Variants in PCDH15 observed in about 807,000 individuals in gnomAD.
PCDH15 encodes protocadherin related 15.
Under a neutral mutation model 178.5 loss-of-function variants are expected in PCDH15, and 129 were observed. The ratio of observed to expected loss-of-function variants is 0.72; its 90% CI spans 0.63 to 0.84. The LOEUF (loss-of-function observed/expected upper bound fraction) is 0.84. Ranked by LOEUF, PCDH15 falls within the 40% of genes least tolerant of loss-of-function variation. The pLI is 0.00. For missense variants in PCDH15, 2,230 were observed against 2,099.9 expected (o/e 1.06, Z -1.21); for synonymous variants, 800 against 732.0 (o/e 1.09, Z -1.50).
At chr10:54,524,234 A>T (rs531613490) in intron 3 of PCDH15, among the ~76,000 whole-genome samples, 1 of 152,308 alleles carries the variant, frequency 6.6e-6, no homozygotes, top group East Asian at 1.9e-4. Context: ...ATTTACTGAG[A>T]GTGTACAATA....
chr10:54,739,730 C>G (rs1272595126), intron 1 of PCDH15, among the ~76,000 whole-genome samples: 1 of 151,834 alleles, frequency 6.6e-6, no homozygotes, highest in Non-Finnish European at 1.5e-5. Context: ...GAAATAAATC[C>G]ATGCATTTTC....
At chr10:55,312,022 C>G (rs1843597077) in intron 1 of PCDH15, among the ~76,000 whole-genome samples, 1 of 152,122 alleles carries the variant, frequency 6.6e-6, no homozygotes, top group Non-Finnish European at 1.5e-5. Flanking sequence ...GAGTAGCACT[C>G]TATTAAAAGA....
intron 15 of PCDH15, among the ~76,000 whole-genome samples, chr10:54,128,929 T>C (rs1257854665): frequency 1.3e-5 from 2 of 152,102 alleles, no homozygotes; most frequent in East Asian, 1.9e-4. Context: ...ACAGAACTAA[T>C]GTAATACAAA....
intron 2 of PCDH15, among the ~76,000 whole-genome samples, chr10:55,134,777 AG>A (rs1838144055): frequency 3.3e-5 from 5 of 152,212 alleles, no homozygotes; most frequent in Admixed American, 2.0e-4. Flanking sequence ...TCAGCTCAGC[AG>A]CGATTGAGTG....
At chr10:54,862,568 G>A (rs554129756) in intron 3 of PCDH15, among the ~76,000 whole-genome samples, 1 of 152,262 alleles carries the variant, frequency 6.6e-6, no homozygotes, top group Admixed American at 6.5e-5. Context: ...GGGAGGTAGG[G>A]TCTAGTGGGA....
intron 1 of PCDH15, among the ~76,000 whole-genome samples, chr10:55,169,415 A>C (rs1215394550): frequency 1.3e-5 from 2 of 152,180 alleles, no homozygotes; most frequent in Admixed American, 1.3e-4. Flanking sequence ...TACAGTATTT[A>C]ACCAACAAGA....
intron 2 of PCDH15, among the ~76,000 whole-genome samples, chr10:55,490,333 G>C (rs1409268808): frequency 1.3e-5 from 2 of 151,758 alleles, no homozygotes; most frequent in Non-Finnish European, 2.9e-5. Flanking sequence ...GTTCCACAAA[G>C]AGCTTCAGAC....
chr10:54,123,797 T>C (rs1171256908), intron 15 of PCDH15, among the ~76,000 whole-genome samples: 1 of 152,094 alleles, frequency 6.6e-6, no homozygotes, highest in Non-Finnish European at 1.5e-5. Flanking sequence ...ATGTGGCACA[T>C]ATACACTACG....
intron 2 of PCDH15, among the ~76,000 whole-genome samples, chr10:55,603,412 G>C (rs1301456265): frequency 7.9e-4 from 119 of 151,392 alleles, no homozygotes; most frequent in African/African-American, 2.6e-3. Context: ...AGATACTCCT[G>C]GAGAAGAGCA....
intron 13 of PCDH15, among the ~76,000 whole-genome samples, chr10:54,158,617 A>T (rs1465243490): frequency 1.3e-5 from 2 of 151,746 alleles, no homozygotes; most frequent in South Asian, 2.1e-4. Context: ...TGGTTCTGAT[A>T]AAAAAAATAC....
chr10:55,481,164 T>C (rs1413013862), intron 2 of PCDH15, among the ~76,000 whole-genome samples: 1 of 151,892 alleles, frequency 6.6e-6, no homozygotes, highest in Non-Finnish European at 1.5e-5. Flanking sequence ...TTTGTATTTC[T>C]GTGGGGTCAT....
chr10:54,360,101 C>T (rs1380657367), intron 5 of PCDH15, among the ~76,000 whole-genome samples: 1 of 151,968 alleles, frequency 6.6e-6, no homozygotes, highest in Non-Finnish European at 1.5e-5. Flanking sequence ...TTACATTTGC[C>T]CTGTCTGAGT....
intron 1 of PCDH15, among the ~76,000 whole-genome samples, chr10:55,259,772 C>A (rs1011401818): frequency 6.6e-5 from 10 of 151,414 alleles, no homozygotes; most frequent in Non-Finnish European, 1.0e-4. Flanking sequence ...CGTGGCGGTG[C>A]ATGCCTGTAA....
At chr10:53,862,351 T>C (rs757415920) in intron 27 of PCDH15, among the ~76,000 whole-genome samples, 49 of 152,090 alleles carry the variant, frequency 3.2e-4, no homozygotes, top group Non-Finnish European at 5.3e-4. Flanking sequence ...CACCCGGCCA[T>C]TGTACTTTGA....
chr10:54,323,739 A>T (rs964920472), intron 7 of PCDH15, among the ~76,000 whole-genome samples: 44 of 152,050 alleles, frequency 2.9e-4, no homozygotes, highest in African/African-American at 1.0e-3. Context: ...TGGATCAAAA[A>T]ACTACCCATT....
chr10:54,796,041 G>A (rs552128100), intron 1 of PCDH15, among the ~76,000 whole-genome samples: 1 of 151,840 alleles, frequency 6.6e-6, no homozygotes, highest in Non-Finnish European at 1.5e-5. Flanking sequence ...TGCTGGTAAG[G>A]GAGTGGAATA....
chr10:53,922,587 T>A (rs999173576), intron 25 of PCDH15, among the ~76,000 whole-genome samples: 2 of 152,334 alleles, frequency 1.3e-5, no homozygotes, highest in Non-Finnish European at 1.5e-5. Context: ...TAATTTTAAA[T>A]GGGAACAACT....
chr10:54,692,652 G>A (rs975862683), intron 1 of PCDH15, among the ~76,000 whole-genome samples: 16 of 92,334 alleles, frequency 1.7e-4, no homozygotes, highest in African/African-American at 5.7e-4. Flanking sequence ...ACTTCTAAAC[G>A]AAGTCATATC....
chr10:55,548,903 G>A (rs563611273), intron 2 of PCDH15, among the ~76,000 whole-genome samples: 1 of 152,230 alleles, frequency 6.6e-6, no homozygotes, highest in African/African-American at 2.4e-5. Context: ...TTGAGTAAAA[G>A]AGATAAAGTG....
Sources: allele counts gnomAD v4.1 joint callset (sites outside exome capture counted in the v4.1 genomes callset), GRCh38; gene constraint gnomAD v4.1.1; transcripts MANE v1.5; gene names NCBI Gene and HGNC (gene_info 2026-07-23, HGNC 2026-07-21).